The following SYN2 variants were observed in gnomAD, a reference collection of about 807,000 sequenced individuals.
The protein encoded by SYN2 is synapsin-2.
Under a neutral mutation model 50.9 loss-of-function variants are expected in SYN2, and 19 were observed. The ratio of observed to expected loss-of-function variants is 0.37; its 90% CI spans 0.26 to 0.55. SYN2 has a LOEUF of 0.55. Ranked by LOEUF, SYN2 falls within the 20% of genes least tolerant of loss-of-function variation. The probability of loss-of-function intolerance (pLI) is 0.81; values close to 1 mark genes in which losing one functional copy is unlikely to be tolerated. For missense variants in SYN2, 587 were observed against 576.4 expected (o/e 1.02, Z -0.19); for synonymous variants, 255 against 224.9 (o/e 1.13, Z -1.20).
At chr3:12,171,818 A>G (rs559834405) in intron 10 of SYN2, among the ~76,000 whole-genome samples, 2 of 152,390 alleles carry the variant, frequency 1.3e-5, no homozygotes, top group South Asian at 2.1e-4. Context: ...TATCTAAAGT[A>G]TAAAAGTTAA....
chr3:12,109,757 C>T (rs924339791), intron 1 of SYN2, among the ~76,000 whole-genome samples: 1 of 152,092 alleles, frequency 6.6e-6, no homozygotes, highest in African/African-American at 2.4e-5. Context: ...GGAAGTCTGC[C>T]CGTGCAAGAG....
At chr3:12,140,196 G>A (rs915338516) in intron 1 of SYN2, among the ~76,000 whole-genome samples, 2 of 152,052 alleles carry the variant, frequency 1.3e-5, no homozygotes, top group Non-Finnish European at 2.9e-5. Flanking sequence ...GGTCCTCTTT[G>A]TATGGGTATG....
At chr3:12,070,743 A>AGC in intron 1 of SYN2, 1 of 800,374 alleles carries the variant, frequency 1.2e-6, no homozygotes, top group Non-Finnish European at 2.0e-6. Flanking sequence ...ACGAGGCCTA[A>AGC]GCCCTCCCCC....
intron 4 of SYN2, among the ~76,000 whole-genome samples, chr3:12,147,586 G>C (rs1192061073): frequency 6.6e-6 from 1 of 151,972 alleles, no homozygotes; most frequent in Admixed American, 6.6e-5. Context: ...TCCTTCCTAC[G>C]GCACACGTGT....
At chr3:12,169,928 T>C in intron 10 of SYN2, 22 bp downstream of exon 10, 1 of 1,589,440 alleles carries the variant, frequency 6.3e-7, no homozygotes, top group Non-Finnish European at 8.6e-7. Flanking sequence ...GGAAGAGACA[T>C]AGCAGAGCCA....
chr3:12,121,278 G>A (rs879350373), intron 1 of SYN2, among the ~76,000 whole-genome samples: 1 of 152,120 alleles, frequency 6.6e-6, no homozygotes, highest in Admixed American at 6.5e-5. Flanking sequence ...GCCGAGTCTC[G>A]TACTAGACAG....
intron 1 of SYN2, among the ~76,000 whole-genome samples, chr3:12,036,585 G>C (rs973915360): frequency 1.3e-5 from 2 of 152,170 alleles, no homozygotes; most frequent in African/African-American, 2.4e-5. Context: ...GGGTGTGCCA[G>C]GCATAGTGAG....
At chr3:12,092,200 GA>G (rs1695844698) in intron 1 of SYN2, among the ~76,000 whole-genome samples, 1 of 152,096 alleles carries the variant, frequency 6.6e-6, no homozygotes, top group African/African-American at 2.4e-5. Flanking sequence ...GGAAATAATG[GA>G]AAATATTTTA....
At chr3:12,047,447 A>G (rs1159995074) in intron 1 of SYN2, among the ~76,000 whole-genome samples, 1 of 152,192 alleles carries the variant, frequency 6.6e-6, no homozygotes, top group Non-Finnish European at 1.5e-5. Context: ...AAGATTTTAA[A>G]TCATCATATT....
At chr3:12,045,909 G>A (rs1331651260) in intron 1 of SYN2, among the ~76,000 whole-genome samples, 1 of 152,192 alleles carries the variant, frequency 6.6e-6, no homozygotes, top group Non-Finnish European at 1.5e-5. Flanking sequence ...ATAGTGTAGT[G>A]GGTGAGAAGC....
At chr3:12,173,399 C>T (rs1248630835) in intron 10 of SYN2, among the ~76,000 whole-genome samples, 2 of 152,174 alleles carry the variant, frequency 1.3e-5, no homozygotes, top group East Asian at 1.9e-4. Context: ...GCACCTCCAC[C>T]CACATGAATC....
At chr3:12,058,601 T>G (rs910628060) in intron 1 of SYN2, among the ~76,000 whole-genome samples, 1 of 152,132 alleles carries the variant, frequency 6.6e-6, no homozygotes, top group Admixed American at 6.5e-5. Flanking sequence ...GTGGACCCAG[T>G]GAATAAATCA....
At chr3:12,117,338 G>A (rs1696456890) in intron 1 of SYN2, among the ~76,000 whole-genome samples, 1 of 152,182 alleles carries the variant, frequency 6.6e-6, no homozygotes, top group Admixed American at 6.5e-5. Flanking sequence ...GAATCATTCA[G>A]CATTTACGTT....
At chr3:12,011,563 C>T (rs1693912464) in intron 1 of SYN2, among the ~76,000 whole-genome samples, 1 of 152,162 alleles carries the variant, frequency 6.6e-6, no homozygotes. Context: ...AAATTTTAAC[C>T]AGTTCATGTA....
At chr3:12,137,353 T>C (rs927504741) in intron 1 of SYN2, among the ~76,000 whole-genome samples, 5 of 152,184 alleles carry the variant, frequency 3.3e-5, no homozygotes, top group African/African-American at 1.2e-4. Flanking sequence ...TCCCAGACTT[T>C]CAAATGCTGG....
At chr3:12,075,148 A>C (rs1231036833) in intron 1 of SYN2, among the ~76,000 whole-genome samples, 1 of 152,130 alleles carries the variant, frequency 6.6e-6, no homozygotes, top group East Asian at 1.9e-4. Context: ...AAATGAGGAA[A>C]CTGAGGCCCA....
intron 5 of SYN2, among the ~76,000 whole-genome samples, chr3:12,152,895 T>C (rs1697342826): frequency 6.6e-6 from 1 of 152,182 alleles, no homozygotes; most frequent in South Asian, 2.1e-4. Flanking sequence ...TGGGACCCTC[T>C]GCCAGAAATG....
intron 5 of SYN2, chr3:12,158,845 C>T (rs762746620): frequency 3.2e-6 from 5 of 1,570,586 alleles, no homozygotes; most frequent in African/African-American, 1.3e-5. Context: ...AGGCATGACA[C>T]TGCAGATCCG....
At chr3:12,158,659 C>T (rs772200013) in intron 5 of SYN2, 12 of 1,605,250 alleles carry the variant, frequency 7.5e-6, no homozygotes, top group Non-Finnish European at 1.0e-5. Flanking sequence ...ACTAATCCCC[C>T]ACAACCACCC....
Sources: gnomAD v4.1 joint callset for allele counts (sites outside exome capture counted in the v4.1 genomes callset) on GRCh38, gnomAD v4.1.1 for gene constraint, MANE v1.5 for transcripts, NCBI Gene and HGNC (gene_info 2026-07-23, HGNC 2026-07-21) for gene names.